Variants in KCNH7 observed in about 807,000 individuals in gnomAD.
The protein encoded by KCNH7 is voltage-gated inwardly rectifying potassium channel KCNH7.
A neutral mutation model predicts 120.8 loss-of-function variants in KCNH7; 49 were observed. The observed-to-expected ratio is 0.41, with a 90% CI of 0.32 to 0.51. The LOEUF is 0.51. Among genes scored for constraint, KCNH7 ranks in the 20% least tolerant of loss-of-function variants. KCNH7 has a pLI of 0.38. For synonymous variants in KCNH7, 547 were observed against 516.1 expected, an observed-to-expected ratio of 1.06 and a Z score of -0.81; for missense variants, 1,097 against 1,446.6, an observed-to-expected ratio of 0.76 and a Z score of 3.92.
intron 13 of KCNH7, among the ~76,000 whole-genome samples, chr2:162,380,667 T>C (rs190107330): frequency 2.4e-4 from 36 of 152,316 alleles, no homozygotes; most frequent in Non-Finnish European, 4.4e-5. Context: ...TATTGCTTTC[T>C]AGTATGTTTT....
chr2:162,564,490 G>A (rs1294994376), intron 2 of KCNH7, among the ~76,000 whole-genome samples: 1 of 152,110 alleles, frequency 6.6e-6, no homozygotes, highest in East Asian at 1.9e-4. Flanking sequence ...AGAGGTGAAA[G>A]ATACTTCACT....
chr2:162,822,711 G>A (rs2105596521), intron 2 of KCNH7, among the ~76,000 whole-genome samples: 1 of 152,270 alleles, frequency 6.6e-6, no homozygotes, highest in Non-Finnish European at 1.5e-5. Flanking sequence ...AGGAATTGTG[G>A]GAAACAGAGG....
chr2:162,643,804 CAAAAAAAAAAAA>C (rs781089376), intron 2 of KCNH7, among the ~76,000 whole-genome samples: 2 of 90,436 alleles, frequency 2.2e-5, no homozygotes, highest in South Asian at 6.8e-4. Context: ...GACTCTATCT[CAAAAAAAAAAAA>C]AAAAAAAAAA....
intron 2 of KCNH7, among the ~76,000 whole-genome samples, chr2:162,699,744 CT>C (rs890095011): frequency 6.6e-6 from 1 of 152,146 alleles, no homozygotes; most frequent in African/African-American, 2.4e-5. Context: ...TAAAGGACAG[CT>C]TTTCCTGTTC....
At chr2:162,757,068 A>C (rs972412227) in intron 2 of KCNH7, among the ~76,000 whole-genome samples, 1 of 152,138 alleles carries the variant, frequency 6.6e-6, no homozygotes, top group Non-Finnish European at 1.5e-5. Context: ...AAGGAAAAAG[A>C]ATCTCTTGGT....
Position 162,470,826 on chromosome 2 carries a change from T to C in KCNH7, c.1129-24383A>G, listed in dbSNP as rs545167799. Among the ~76,000 whole-genome samples the C allele has an allele frequency of 9.9e-5, 15 of 152,222 alleles. No individual in the cohort carries two copies. The South Asian group carries it at 3.1e-3, about 32-fold the overall frequency. On this transcript the variant is annotated intron_variant, in intron 6 of 15. Transcript: ENST00000332142. ...AGGAGGGGGAAAGGTGGGGAAAAGA[T>C]TGAGAAATTGGGTGGTTGCTGTGTC...
rs757018181 is a variant in KCNH7, at chr2:162,518,170, G to A, written c.464-12C>T. ...CCCAAAAAATTTCCCTATAAATGGA[G>A]ACAGGAGAGAGCATTATTATAAGGC... On this transcript the variant is annotated splice_polypyrimidine_tract_variant and intron_variant, in intron 3 of 15. Transcript: ENST00000332142. 6.3e-7 allele frequency: 1 copy of A among 1,590,372 alleles called. No homozygotes were observed. The highest frequency in any genetic ancestry group is 8.6e-7 in the Non-Finnish European group (1 of 1,163,540).
intron 6 of KCNH7, among the ~76,000 whole-genome samples, chr2:162,464,962 A>G (rs1464794441): frequency 1.3e-5 from 2 of 152,266 alleles, no homozygotes; most frequent in Middle Eastern, 3.4e-3. Context: ...TTACTTAACC[A>G]ATTATGAATG....
chr2:162,456,832 C>T (rs1573980573), intron 6 of KCNH7, among the ~76,000 whole-genome samples: 2 of 151,726 alleles, frequency 1.3e-5, no homozygotes, highest in Admixed American at 1.3e-4. Flanking sequence ...CAAACCCCTG[C>T]TTTTTTTTGC....
At chr2:162,395,296 T>C (rs1686878705) in intron 11 of KCNH7, among the ~76,000 whole-genome samples, 1 of 151,800 alleles carries the variant, frequency 6.6e-6, no homozygotes, top group Non-Finnish European at 1.5e-5. Flanking sequence ...CTAATAGTAC[T>C]GCAAAGAAAA....
chr2:162,635,659 T>C (rs1683928928), intron 2 of KCNH7, among the ~76,000 whole-genome samples: 1 of 152,138 alleles, frequency 6.6e-6, no homozygotes, highest in Non-Finnish European at 1.5e-5. Flanking sequence ...TCACCTCTTC[T>C]TTGTCTTTGT....
intron 6 of KCNH7, among the ~76,000 whole-genome samples, chr2:162,484,998 T>C (rs1690048750): frequency 6.6e-6 from 1 of 152,194 alleles, no homozygotes; most frequent in African/African-American, 2.4e-5. Context: ...GGTATTCCTT[T>C]AGAGCCACAC....
At chr2:162,836,876 C>A in intron 1 of KCNH7, 109 bp from the exon 2 acceptor site, 2 of 691,222 alleles carry the variant, frequency 2.9e-6, no homozygotes, top group South Asian at 3.7e-5. Context: ...GGTGCCTCCC[C>A]AAATTACTAA....
At chr2:162,598,397 A>G (rs948908107) in intron 2 of KCNH7, among the ~76,000 whole-genome samples, 1 of 152,262 alleles carries the variant, frequency 6.6e-6, no homozygotes, top group Admixed American at 6.6e-5. Flanking sequence ...AAAGTGATAC[A>G]AATGATAAAT....
Position 162,537,342 on chromosome 2 carries a change from C to T in KCNH7, c.308-262G>A, listed in dbSNP as rs959608311. Among the ~76,000 whole-genome samples, 4 of 151,942 alleles carry T rather than the reference C, an allele frequency of 2.6e-5. No homozygotes were observed. In the South Asian group the frequency reaches 6.2e-4, roughly 24 times the overall value. The stretch of plus-strand genomic sequence containing the variant: ...AGAAATATCAAATTCTATTTGCTTT[C>T]ACACCCATCCCTATAATAGTTAATT... On this transcript the variant is annotated intron_variant, in intron 2 of 15. Coordinates refer to ENST00000332142, the MANE Select transcript of KCNH7 (RefSeq NM_033272.4).
At chr2:162,472,981 A>G (rs1208915580) in intron 6 of KCNH7, among the ~76,000 whole-genome samples, 2 of 152,148 alleles carry the variant, frequency 1.3e-5, no homozygotes, top group Non-Finnish European at 2.9e-5. Flanking sequence ...ACAAAAAACC[A>G]AACACCATAT....
intron 8 of KCNH7, among the ~76,000 whole-genome samples, chr2:162,425,343 T>G (rs1473862112): frequency 6.6e-6 from 1 of 152,132 alleles, no homozygotes; most frequent in Admixed American, 6.6e-5. Context: ...ACTTCCAGAC[T>G]AATACAGGAG....
At chr2:162,470,875 G>A (rs1689500848) in intron 6 of KCNH7, among the ~76,000 whole-genome samples, 1 of 152,180 alleles carries the variant, frequency 6.6e-6, no homozygotes, top group Non-Finnish European at 1.5e-5. Context: ...GTAGACATGG[G>A]AGACTTTTCA....
At chr2:162,409,604 AAGAG>A (rs1019172525) in intron 9 of KCNH7, among the ~76,000 whole-genome samples, 1 of 151,974 alleles carries the variant, frequency 6.6e-6, no homozygotes, top group African/African-American at 2.4e-5. Flanking sequence ...TTAGATAAGA[AAGAG>A]AAATAAAAGG....
Sources: allele counts gnomAD v4.1 joint callset (sites outside exome capture counted in the v4.1 genomes callset), GRCh38; gene constraint gnomAD v4.1.1; transcripts MANE v1.5; gene names NCBI Gene and HGNC (gene_info 2026-07-23, HGNC 2026-07-21).